The following GALM variants were observed in gnomAD, a reference collection of about 807,000 sequenced individuals.
GALM encodes the protein galactose mutarotase, also known as aldose 1-epimerase.
Under a neutral mutation model 37.4 loss-of-function variants are expected in GALM, and 43 were observed. The observed-to-expected ratio is 1.15, with a 90% CI of 0.90 to 1.48. GALM has a LOEUF of 1.48. GALM is among the 40% of genes most tolerant of loss of function. GALM has a pLI of 0.00. For synonymous variants in GALM, 199 were observed against 170.6 expected (o/e 1.17, Z -1.30); for missense variants, 456 against 419.1 (o/e 1.09, Z -0.77).
intron 4 of GALM, among the ~76,000 whole-genome samples, chr2:38,706,443 G>A (rs1422357382): frequency 6.7e-6 from 1 of 150,090 alleles, no homozygotes; most frequent in Non-Finnish European, 1.5e-5. Context: ...GGGAGGTCGA[G>A]GCAGGTGGAT....
intron 4 of GALM, among the ~76,000 whole-genome samples, chr2:38,695,864 A>G (rs1341556495): frequency 3.3e-5 from 5 of 151,426 alleles, no homozygotes; most frequent in South Asian, 2.1e-4. Flanking sequence ...ATACCCGGAT[A>G]ATTTTTGTAT....
intron 1 of GALM, among the ~76,000 whole-genome samples, chr2:38,675,537 T>TGTGTGTGTGTG (rs1558577612): frequency 1.1e-5 from 1 of 90,066 alleles, no homozygotes; most frequent in Non-Finnish European, 2.1e-5. Flanking sequence ...TTTTTTTTTT[T>TGTGTGTGTGTG]TTTTTTTGTG....
At chr2:38,692,599 A>G (rs1304256116) in intron 4 of GALM, among the ~76,000 whole-genome samples, 1 of 152,186 alleles carries the variant, frequency 6.6e-6, no homozygotes, top group East Asian at 1.9e-4. Flanking sequence ...TAATTTTGAA[A>G]GAAATCCAAA....
intron 4 of GALM, among the ~76,000 whole-genome samples, chr2:38,708,055 C>T (rs1007199329): frequency 4.6e-5 from 7 of 151,438 alleles, no homozygotes; most frequent in Non-Finnish European, 2.9e-5. Flanking sequence ...TGCAGTGAGC[C>T]GAGGTCATGC....
intron 1 of GALM, among the ~76,000 whole-genome samples, chr2:38,675,544 TGTGTGTGTGTGTGTGTGTGTGTGTGTGTG>T (rs1665236419): frequency 1.8e-5 from 1 of 54,726 alleles, no homozygotes; most frequent in African/African-American, 8.2e-5. Flanking sequence ...TTTTTTTTTT[TGTGTGTGTGTGTGTGTGTGTGTGTGTGTG>T]TGTGTGTGTG....
rs538284307 is a variant in GALM at position 38,714,283 on chromosome 2, C to T, written c.635-15273C>T. Among the ~76,000 whole-genome samples, 233 of 151,416 alleles carry T rather than the reference C, an allele frequency of 1.5e-3. 1 individual carries two copies. Among genetic ancestry groups the T allele is most frequent in the Non-Finnish European group, 2.9e-3 (199 of 67,820 alleles). ...AGGCGGGAGTGCAGTGGTGTGATCTCGGCTCACTGCAACCTCTGCCTCCCA... is the reference window on the plus strand; with the variant it reads ...AGGCGGGAGTGCAGTGGTGTGATCTTGGCTCACTGCAACCTCTGCCTCCCA... On this transcript the variant is annotated intron_variant, in intron 4 of 6. Transcript: ENST00000272252.
intron 3 of GALM, among the ~76,000 whole-genome samples, chr2:38,687,435 C>T (rs944570847): frequency 6.6e-6 from 1 of 152,186 alleles, no homozygotes. Context: ...TCTGGACAGG[C>T]ATGGTGGCTC....
chr2:38,731,723 ATTTCTT>A lies in GALM; in HGVS notation c.777-11_777-6del. 6.2e-7 allele frequency: 1 copy of A among 1,610,874 alleles called. No homozygotes were observed. Among genetic ancestry groups the A allele is most frequent in the Non-Finnish European group, 8.5e-7 (1 of 1,177,762 alleles). ...TCTGCCCTGGACTCATGTTGTTTGT[ATTTCTT>A]ACCAGGGTGCATCATGCTGCAAGCG... On this transcript the variant is annotated splice_polypyrimidine_tract_variant and splice_region_variant and intron_variant, in intron 5 of 6. Transcript: ENST00000272252.
chr2:38,703,054 T>TATATATATATA (rs1665951434), intron 4 of GALM, among the ~76,000 whole-genome samples: 8 of 13,956 alleles, frequency 5.7e-4, no homozygotes, highest in African/African-American at 1.4e-3. Flanking sequence ...ATGTGGGATT[T>TATATATATATA]TATATATATA....
intron 2 of GALM, among the ~76,000 whole-genome samples, chr2:38,676,546 T>C (rs1331366095): frequency 6.6e-6 from 1 of 152,178 alleles, no homozygotes; most frequent in Non-Finnish European, 1.5e-5. Flanking sequence ...GCAGGTCACC[T>C]GAGGTCAGGA....
At chr2:38,689,136 A>C (rs1665612096) in intron 3 of GALM, among the ~76,000 whole-genome samples, 1 of 152,174 alleles carries the variant, frequency 6.6e-6, no homozygotes, top group Non-Finnish European at 1.5e-5. Context: ...GCCCAATTTT[A>C]AACCAAAGGA....
Position 38,667,682 on chromosome 2 carries a change from C to T in GALM, c.190+1331C>T, listed in dbSNP as rs1664983037. 2.2e-5 allele frequency among the ~76,000 whole-genome samples: 3 copies of T among 134,608 alleles called. No individual in the cohort carries two copies. The South Asian group carries it at 7.0e-4, about 31-fold the overall frequency. 88.3% of individuals were successfully genotyped at this position (134,608 alleles called of 152,430 possible). A position where few individuals can be genotyped will look rare whatever the true frequency, so the allele number is the denominator to read the frequency against. On this transcript the variant is annotated intron_variant, in intron 1 of 6. Coordinates refer to ENST00000272252, the MANE Select transcript of GALM (RefSeq NM_138801.3). The stretch of plus-strand genomic sequence containing the variant: ...TGTGTTTTTGGTAGAGATGGGGTTT[C>T]ACCATGTTGGCCAGGCTGCTGGCGG...
chr2:38,675,542 TTTGTGTGTGTGTGTGTGTGTG>T (rs1195422753), intron 1 of GALM, among the ~76,000 whole-genome samples: 940 of 79,590 alleles, frequency 0.012, 33 homozygotes, highest in African/African-American at 0.051. Context: ...TTTTTTTTTT[TTTGTGTGTGTGTGTGTGTGTG>T]TGTGTGTGTG....
intron 1 of GALM, among the ~76,000 whole-genome samples, chr2:38,672,106 A>G (rs1198439326): frequency 6.6e-6 from 1 of 151,488 alleles, no homozygotes; most frequent in Non-Finnish European, 1.5e-5. Context: ...TATCTTCATG[A>G]CGTGATTGGT....
At chr2:38,703,053 T>TC (rs1558588593) in intron 4 of GALM, among the ~76,000 whole-genome samples, 2 of 28,264 alleles carry the variant, frequency 7.1e-5, no homozygotes, top group African/African-American at 2.2e-4. Flanking sequence ...TATGTGGGAT[T>TC]TTATATATAT....
intron 4 of GALM, among the ~76,000 whole-genome samples, chr2:38,703,738 C>T (rs955611671): frequency 2.0e-5 from 3 of 152,004 alleles, no homozygotes; most frequent in Non-Finnish European, 4.4e-5. Flanking sequence ...CAAGGCTGGG[C>T]GTGGTGGCTC....
chr2:38,724,452 G>A (rs1219648929), intron 4 of GALM, among the ~76,000 whole-genome samples: 2 of 152,174 alleles, frequency 1.3e-5, no homozygotes, highest in African/African-American at 4.8e-5. Flanking sequence ...TTGCCAGACT[G>A]TGGTGGGCAT....
In GALM at chr2:38,688,813, T is replaced by G. The variant is rs566900397; in HGVS notation, c.553-1000T>G. On this transcript the variant is annotated intron_variant, in intron 3 of 6. Coordinates refer to ENST00000272252, the MANE Select transcript of GALM (RefSeq NM_138801.3). ...AGGTAGAGGCATCATTAGCCCAAAT[T>G]TATTTTATTTTATTTATTTTGAGAT... Among the ~76,000 whole-genome samples the G allele has an allele frequency of 2.8e-4, 42 of 152,198 alleles. No homozygotes were observed. In the South Asian group the frequency reaches 7.5e-3, roughly 27 times the overall value.
intron 1 of GALM, chr2:38,668,602 A>G (rs1665012715): frequency 6.6e-6 from 1 of 152,124 alleles, no homozygotes; most frequent in Admixed American, 6.6e-5. Flanking sequence ...CAGAGTATGT[A>G]AGTATATATA....
Sources: allele counts gnomAD v4.1 joint callset (sites outside exome capture counted in the v4.1 genomes callset), GRCh38; gene constraint gnomAD v4.1.1; transcripts MANE v1.5; gene names NCBI Gene and HGNC (gene_info 2026-07-23, HGNC 2026-07-21).